ASNS: variants seen among roughly 807,000 people sequenced by gnomAD.
ASNS encodes asparagine synthetase [glutamine-hydrolyzing].
Under a neutral mutation model 62.6 loss-of-function variants are expected in ASNS, and 37 were observed. The observed-to-expected ratio is 0.59, with a 90% CI of 0.45 to 0.78. The LOEUF (loss-of-function observed/expected upper bound fraction) is 0.78, where lower values mean the gene tolerates loss of function less well. Among genes scored for constraint, ASNS ranks in the 30% least tolerant of loss-of-function variants. The probability of loss-of-function intolerance (pLI) is 0.00; values close to 1 mark genes in which losing one functional copy is unlikely to be tolerated. For synonymous variants in ASNS, 207 were observed against 237.9 expected (o/e 0.87, Z 1.19); for missense variants, 520 against 682.4 (o/e 0.76, Z 2.65).
At chr7:97,860,233 A>G (rs548735979) in intron 4 of ASNS, among the ~76,000 whole-genome samples, 2 of 152,328 alleles carry the variant, frequency 1.3e-5, no homozygotes, top group South Asian at 4.1e-4. Flanking sequence ...TAAGCAGGCA[A>G]TACTATAATC....
At chr7:97,881,027 G>T in the ASNS span, among the ~76,000 whole-genome samples, 20 of 152,254 alleles carry the variant, frequency 1.3e-4, no homozygotes, top group South Asian at 4.1e-3. Flanking sequence ...TGCTACCTCT[G>T]TCTCCCGGGT....
rs1261308709 is a variant in ASNS, at chr7:97,872,352, T to G, written c.-61A>C. 1 of 141,678 alleles carries G rather than the reference T, an allele frequency of 7.1e-6. No homozygotes were observed. Among genetic ancestry groups the G allele is most frequent in the African/African-American group, 2.8e-5 (1 of 35,388 alleles). The allele number at this position is 141,678 out of a possible 1,614,324, so 8.8% of individuals were successfully genotyped here. ...CACGGGGCGCAGGACCCGGCTCACCTGGGCGTAAGCAGGTCAGGGTGATGT... is the reference window on the plus strand; with the variant it reads ...CACGGGGCGCAGGACCCGGCTCACCGGGGCGTAAGCAGGTCAGGGTGATGT... On this transcript the variant is annotated splice_region_variant and 5_prime_UTR_variant, in exon 1 of 13. Transcript: ENST00000394308.
chr7:97,893,844 A>G, the ASNS span, among the ~76,000 whole-genome samples: 6 of 152,054 alleles, frequency 3.9e-5, no homozygotes, highest in African/African-American at 1.4e-4. Flanking sequence ...ACAAAGAAAC[A>G]TTGATTTAAG....
chr7:97,889,288 G>A, the ASNS span, among the ~76,000 whole-genome samples: 3 of 152,186 alleles, frequency 2.0e-5, no homozygotes, highest in Non-Finnish European at 4.4e-5. Context: ...AGAGGCCGAG[G>A]CGGGTAGATC....
At chr7:97,860,195 T>C (rs1461604817) in intron 4 of ASNS, among the ~76,000 whole-genome samples, 5 of 152,080 alleles carry the variant, frequency 3.3e-5, no homozygotes, top group Admixed American at 1.3e-4. Context: ...ACAACCCGGA[T>C]AGGGAATGGG....
At chr7:97,883,730 G>C in the ASNS span, among the ~76,000 whole-genome samples, 3 of 152,186 alleles carry the variant, frequency 2.0e-5, no homozygotes, top group African/African-American at 7.2e-5. Context: ...GCTCACGCCT[G>C]TAATCCCAGC....
At chr7:97,859,713 C>G (rs1365264094) in intron 4 of ASNS, among the ~76,000 whole-genome samples, 2 of 152,072 alleles carry the variant, frequency 1.3e-5, no homozygotes, top group East Asian at 3.9e-4. Context: ...TATACTAAAG[C>G]AAATACACAA....
chr7:97,917,939 C>A, the ASNS span, among the ~76,000 whole-genome samples: 1 of 152,228 alleles, frequency 6.6e-6, no homozygotes, highest in African/African-American at 2.4e-5. Flanking sequence ...ATCACATTAA[C>A]CCCATTTTAC....
At chr7:97,862,821 G>GA (rs149993116) in intron 4 of ASNS, among the ~76,000 whole-genome samples, 6 of 149,716 alleles carry the variant, frequency 4.0e-5, no homozygotes, top group Admixed American at 6.7e-5. Context: ...TCCCTAACAG[G>GA]AAAAAAAAAT....
At chr7:97,875,528 C>T (rs1284041483), upstream of ASNS, among the ~76,000 whole-genome samples, 3 of 152,198 alleles carry the variant, frequency 2.0e-5, no homozygotes, top group East Asian at 5.8e-4. Flanking sequence ...CTCAGGGATC[C>T]AGGCTGACAA....
intron 10 of ASNS, among the ~76,000 whole-genome samples, chr7:97,854,203 G>A (rs747740409): frequency 6.6e-6 from 1 of 152,124 alleles, no homozygotes; most frequent in Non-Finnish European, 1.5e-5. Context: ...TGATGTTTAC[G>A]ATCTTTACTT....
At chr7:97,905,813 C>T in the ASNS span, among the ~76,000 whole-genome samples, 11 of 152,208 alleles carry the variant, frequency 7.2e-5, no homozygotes, top group East Asian at 1.7e-3. Flanking sequence ...ATATTTTGCA[C>T]CGTATATGTG....
chr7:97,878,793 A>G, the ASNS span, among the ~76,000 whole-genome samples: 18 of 152,178 alleles, frequency 1.2e-4, no homozygotes, highest in Middle Eastern at 3.2e-3. Flanking sequence ...GAAAAAAACT[A>G]CTTTAAAGTT....
the ASNS span, among the ~76,000 whole-genome samples, chr7:97,887,824 A>G: frequency 6.6e-6 from 1 of 152,346 alleles, no homozygotes; most frequent in South Asian, 2.1e-4. Context: ...TTATCTCTGT[A>G]GATTTTAACC....
At chr7:97,908,637 A>G in the ASNS span, among the ~76,000 whole-genome samples, 1 of 152,072 alleles carries the variant, frequency 6.6e-6, no homozygotes, top group Non-Finnish European at 1.5e-5. Flanking sequence ...CCTGACCTCA[A>G]ATGATCCACC....
At chr7:97,927,026 G>T in the ASNS span, among the ~76,000 whole-genome samples, 1 of 131,966 alleles carries the variant, frequency 7.6e-6, no homozygotes, top group East Asian at 2.6e-4. Flanking sequence ...TCCCACCTCA[G>T]CCTCCCAAGT....
chr7:97,908,549 C>T, the ASNS span: 1 of 151,926 alleles, frequency 6.6e-6, no homozygotes, highest in Admixed American at 6.6e-5. Context: ...TACAGGCACG[C>T]ACCACTACTG....
rs781275197 is a variant in ASNS at position 97,856,674 on chromosome 7, TATC to T, written c.1030+13_1030+15del. ...TTAAAAAAAGCTTTTTATTTAAGAA[TATC>T]ATAATACCTTACCTACTGAAGCACG... On this transcript the variant is annotated intron_variant, in intron 8 of 12. Transcript: ENST00000394308. The T allele has an allele frequency of 1.3e-6, 2 of 1,535,662 alleles. No individual in the cohort carries two copies. Among genetic ancestry groups the T allele is most frequent in the Non-Finnish European group, 1.8e-6 (2 of 1,142,494 alleles).
intron 4 of ASNS, 191 bp downstream of exon 4, chr7:97,864,068 T>C (rs1335786736): frequency 1.8e-6 from 1 of 547,530 alleles, no homozygotes; most frequent in African/African-American, 1.9e-5. Context: ...AGAATCATCC[T>C]TCAAGGATTA....
Sources: gnomAD v4.1 joint callset for allele counts (sites outside exome capture counted in the v4.1 genomes callset) on GRCh38, gnomAD v4.1.1 for gene constraint, MANE v1.5 for transcripts, NCBI Gene and HGNC (gene_info 2026-07-23, HGNC 2026-07-21) for gene names.